AK8: variants seen among roughly 807,000 people sequenced by gnomAD.
The protein encoded by AK8 is ATP-AMP transphosphorylase 8.
Under a neutral mutation model 54.6 loss-of-function variants are expected in AK8, and 44 were observed. The observed-to-expected ratio is 0.81, with a 90% CI of 0.63 to 1.04. The LOEUF (loss-of-function observed/expected upper bound fraction) is 1.04, where lower values mean the gene tolerates loss of function less well. Ranked by LOEUF, AK8 falls within the 50% of genes least tolerant of loss-of-function variation. The pLI, the probability that AK8 is intolerant of heterozygous loss-of-function variation, is 0.00. For missense variants in AK8, 555 were observed against 613.6 expected (o/e 0.90, Z 1.01); for synonymous variants, 239 against 245.6 (o/e 0.97, Z 0.25).
intron 8 of AK8, among the ~76,000 whole-genome samples, chr9:132,824,568 C>T (rs1182048634): frequency 6.6e-6 from 1 of 152,224 alleles, no homozygotes; most frequent in Non-Finnish European, 1.5e-5. Context: ...AGAAGCATCC[C>T]TGGCCTCTAC....
upstream of AK8, chr9:132,878,400 G>T: frequency 3.2e-6 from 4 of 1,241,010 alleles, no homozygotes; most frequent in Non-Finnish European, 4.1e-6. This position sits in a 1 kb window ranked among gnomAD's most constrained non-coding sequence, Gnocchi z 4.7. Context: ...GGTCGCCCCC[G>T]CCCCGACCTC....
In AK8 at chr9:132,809,428, C is replaced by T. The variant is rs528827315; in HGVS notation, c.979+5210G>A. Among the ~76,000 whole-genome samples the T allele has an allele frequency of 2.5e-4, 38 of 152,276 alleles. No individual in the cohort carries two copies. The South Asian group carries it at 7.1e-3, about 28-fold the overall frequency. On this transcript the variant is annotated intron_variant, in intron 10 of 12. Transcript: ENST00000298545. Reference sequence around the variant, plus strand: ...TTCCCCAGAGCAGGGAGTCACTCCACGACAGGCCAAGTCCCTCCGGCTCTC... The same window carrying T: ...TTCCCCAGAGCAGGGAGTCACTCCATGACAGGCCAAGTCCCTCCGGCTCTC...
intron 9 of AK8, among the ~76,000 whole-genome samples, chr9:132,821,700 T>TATACACGTACATTTGTATGTATATAC (rs1841619009): frequency 7.0e-6 from 1 of 142,494 alleles, no homozygotes; most frequent in Non-Finnish European, 1.6e-5. Context: ...TATACATATA[T>TATACACGTACATTTGTATGTATATAC]ATACACGTAC....
intron 11 of AK8, among the ~76,000 whole-genome samples, chr9:132,783,447 T>C (rs1839564600): frequency 6.6e-6 from 1 of 152,120 alleles, no homozygotes. Flanking sequence ...AGGTAACTAA[T>C]ATGCCAACTC....
chr9:132,846,283 C>T (rs1414233231), intron 5 of AK8, among the ~76,000 whole-genome samples: 3 of 152,204 alleles, frequency 2.0e-5, no homozygotes, highest in African/African-American at 7.2e-5. Flanking sequence ...GTGGATGGGG[C>T]AGAGGGGCCC....
At chr9:132,735,009 C>T (rs541151891) in intron 11 of AK8, among the ~76,000 whole-genome samples, 8 of 152,172 alleles carry the variant, frequency 5.3e-5, no homozygotes, top group South Asian at 2.1e-4. Flanking sequence ...CCAGCCTGGG[C>T]GACAAAGCAA....
At chr9:132,768,544 G>A (rs1838819193) in intron 11 of AK8, among the ~76,000 whole-genome samples, 1 of 152,228 alleles carries the variant, frequency 6.6e-6, no homozygotes, top group African/African-American at 2.4e-5. Flanking sequence ...TGGGATTACA[G>A]GCGTGAGCCA....
At chr9:132,780,878 G>A (rs1399643739) in intron 11 of AK8, among the ~76,000 whole-genome samples, 1 of 152,122 alleles carries the variant, frequency 6.6e-6, no homozygotes, top group Non-Finnish European at 1.5e-5. Flanking sequence ...GGGGATTTCT[G>A]AGATAGCATG....
intron 11 of AK8, among the ~76,000 whole-genome samples, chr9:132,789,381 T>C (rs1362677283): frequency 6.6e-6 from 1 of 151,614 alleles, no homozygotes; most frequent in Non-Finnish European, 1.5e-5. Flanking sequence ...GTGGATCACC[T>C]GAGGTCAGGA....
chr9:132,767,385 T>G (rs1202918890), intron 11 of AK8, among the ~76,000 whole-genome samples: 2 of 151,800 alleles, frequency 1.3e-5, no homozygotes, highest in Non-Finnish European at 2.9e-5. Flanking sequence ...ATCATGGAAA[T>G]GCAAATTAAA....
At chr9:132,748,976 G>A (rs572842932) in intron 11 of AK8, among the ~76,000 whole-genome samples, 1 of 151,954 alleles carries the variant, frequency 6.6e-6, no homozygotes, top group African/African-American at 2.4e-5. Context: ...CCGGGTTCAA[G>A]CGATTCTCTT....
chr9:132,761,249 TTTTTCTTTTC>T (rs368919813), intron 11 of AK8, among the ~76,000 whole-genome samples: 2,673 of 144,730 alleles, frequency 0.018, 134 homozygotes, highest in African/African-American at 0.061. Flanking sequence ...TTCTATTTCT[TTTTTCTTTTC>T]TTTTCTTTTC....
intron 11 of AK8, among the ~76,000 whole-genome samples, chr9:132,738,887 T>A (rs945377496): frequency 6.6e-6 from 1 of 151,580 alleles, no homozygotes; most frequent in South Asian, 2.1e-4. Flanking sequence ...CCCAAGTAGC[T>A]GGGACCACAG....
At chr9:132,769,619 C>T (rs922112247) in intron 11 of AK8, 3 of 152,178 alleles carry the variant, frequency 2.0e-5, no homozygotes, top group African/African-American at 7.2e-5. Context: ...CTTTTCAAGG[C>T]GGTCATGAGC....
chr9:132,817,238 G>A (rs1012813380), intron 9 of AK8, among the ~76,000 whole-genome samples: 1 of 152,174 alleles, frequency 6.6e-6, no homozygotes, highest in Non-Finnish European at 1.5e-5. Flanking sequence ...CAGTAGGATG[G>A]AGTTAATCCT....
At chr9:132,773,192 C>T (rs1289737214) in intron 11 of AK8, among the ~76,000 whole-genome samples, 2 of 152,164 alleles carry the variant, frequency 1.3e-5, no homozygotes, top group African/African-American at 4.8e-5. Flanking sequence ...AGGCACATTC[C>T]TAACTCAGGG....
At chr9:132,814,600 C>A in intron 10 of AK8, 38 bp downstream of exon 10, 1 of 1,584,972 alleles carries the variant, frequency 6.3e-7, no homozygotes, top group South Asian at 1.1e-5. Flanking sequence ...CTCTCTGGAG[C>A]CTGTAAGGTC....
chr9:132,798,784 C>T (rs982874715), intron 10 of AK8, among the ~76,000 whole-genome samples: 4 of 152,044 alleles, frequency 2.6e-5, no homozygotes, highest in Admixed American at 6.5e-5. Flanking sequence ...TTATTCCCCG[C>T]GGGGCTGGGT....
chr9:132,833,565 G>A (rs1842193432), intron 5 of AK8, among the ~76,000 whole-genome samples: 2 of 152,126 alleles, frequency 1.3e-5, no homozygotes. Context: ...TGATGCCTTC[G>A]CTCACCGTAC....
Sources: gnomAD v4.1 joint callset for allele counts (sites outside exome capture counted in the v4.1 genomes callset) on GRCh38, gnomAD v4.1.1 for gene constraint, Gnocchi (gnomAD v3.1) non-coding constraint, MANE v1.5 for transcripts, NCBI Gene and HGNC (gene_info 2026-07-23, HGNC 2026-07-21) for gene names.